Variants in PCDH10 observed in about 807,000 individuals in gnomAD.
The protein encoded by PCDH10 is protocadherin 10.
PCDH10 carries 15 observed loss-of-function variants against 74.4 expected under a neutral mutation model. The observed-to-expected ratio is 0.20, with a 90% CI of 0.13 to 0.31. The LOEUF (loss-of-function observed/expected upper bound fraction) is 0.31, where lower values mean the gene tolerates loss of function less well. Among genes scored for constraint, PCDH10 ranks in the 10% least tolerant of loss-of-function variants. PCDH10 has a pLI of 1.00. For synonymous variants in PCDH10, 619 were observed against 589.8 expected, an observed-to-expected ratio of 1.05 and a Z score of -0.72; for missense variants, 1,260 against 1,390.2, an observed-to-expected ratio of 0.91 and a Z score of 1.49.
At chr4:133,204,620 G>A (rs1008650140) in intron 2 of PCDH10, among the ~76,000 whole-genome samples, 6 of 152,314 alleles carry the variant, frequency 3.9e-5, no homozygotes, top group Admixed American at 3.3e-4. Context: ...CCAATTAGTG[G>A]TTTGTTCCAA....
intron 3 of PCDH10, among the ~76,000 whole-genome samples, chr4:133,158,673 G>A (rs1726910191): frequency 6.6e-6 from 1 of 152,074 alleles, no homozygotes; most frequent in African/African-American, 2.4e-5. Flanking sequence ...TACAGTGTCA[G>A]CAATAGAATT....
intron 2 of PCDH10, among the ~76,000 whole-genome samples, chr4:133,201,430 G>A (rs780592508): frequency 9.9e-5 from 15 of 152,128 alleles, no homozygotes; most frequent in Non-Finnish European, 1.8e-4. Flanking sequence ...GGAAGGCCCT[G>A]CACAACAAAA....
At chr4:133,183,849 A>G (rs7671052) in intron 4 of PCDH10, among the ~76,000 whole-genome samples, 32,665 of 152,096 alleles carry the variant, frequency 0.21, 3,727 homozygotes, top group African/African-American at 0.25. Context: ...GAGAATGTCT[A>G]TGAGACAATT....
At chr4:133,198,608 G>T (rs1447372824), downstream of PCDH10, among the ~76,000 whole-genome samples, 1 of 152,126 alleles carries the variant, frequency 6.6e-6, no homozygotes, top group Non-Finnish European at 1.5e-5. Context: ...TCCGTTTAAA[G>T]GTGTCTTCCT....
chr4:133,166,452 A>T (rs1226112137), intron 4 of PCDH10, among the ~76,000 whole-genome samples: 1 of 151,694 alleles, frequency 6.6e-6, no homozygotes, highest in Admixed American at 6.6e-5. Flanking sequence ...TTAGAATCAG[A>T]CATCTTATTT....
At chr4:133,154,110 A>G (rs1312541170) in intron 1 of PCDH10, among the ~76,000 whole-genome samples, 197 bp from the exon 2 acceptor site, 3 of 152,168 alleles carry the variant, frequency 2.0e-5, no homozygotes, top group Non-Finnish European at 4.4e-5. Context: ...CAAGTGACTA[A>G]AATGTGGATT....
rs1246648647 is a variant in PCDH10, at chr4:133,169,068, C to G, written c.3103+5786C>G. Among the ~76,000 whole-genome samples, 3 of 151,688 alleles carry G rather than the reference C, an allele frequency of 2.0e-5. No homozygotes were observed. In the East Asian group the frequency reaches 5.8e-4, roughly 29 times the overall value. On this transcript the variant is annotated intron_variant, in intron 4 of 4. Coordinates refer to ENST00000264360, the MANE Select transcript of PCDH10 (RefSeq NM_032961.3). ...TTTGTTCTAAGAACTTATTTCATAT[C>G]CTAAGGCAGAGTTAAATTGTTTCAT...
At chr4:133,168,041 T>C (rs553527710) in intron 4 of PCDH10, among the ~76,000 whole-genome samples, 1 of 151,550 alleles carries the variant, frequency 6.6e-6, no homozygotes, top group Non-Finnish European at 1.5e-5. Context: ...TTTATTCTAC[T>C]TCTCTGAAAA....
rs976508790 is a variant in PCDH10, at chr4:133,193,815, CTTT to C, written c.*3656_*3658del. 6.6e-6 allele frequency: 1 copy of C among 151,422 alleles called. No individual in the cohort carries two copies. Among genetic ancestry groups the C allele is most frequent in the African/African-American group, 2.4e-5 (1 of 41,292 alleles). 9.4% of individuals were successfully genotyped at this position (151,422 alleles called of 1,614,324 possible). ...TTTTCATATTACAAATTCTTGAGTT[CTTT>C]ATCTTTTTCAAGTCTAATTTTGTAG... On this transcript the variant is annotated 3_prime_UTR_variant, in exon 5 of 5. Coordinates refer to ENST00000264360, the MANE Select transcript of PCDH10 (RefSeq NM_032961.3).
chr4:133,168,646 G>GC (rs1030656268), intron 4 of PCDH10, among the ~76,000 whole-genome samples: 1 of 151,482 alleles, frequency 6.6e-6, no homozygotes, highest in Non-Finnish European at 1.5e-5. Flanking sequence ...ATCTGCTCCA[G>GC]CTCTACTACG....
chr4:133,184,805 T>C (rs1216059906), intron 4 of PCDH10, among the ~76,000 whole-genome samples: 2 of 142,894 alleles, frequency 1.4e-5, no homozygotes, highest in African/African-American at 5.1e-5. Flanking sequence ...TTTATATATA[T>C]ATATTTATAT....
At chr4:133,206,443 C>CCTT (rs1728005620) in intron 2 of PCDH10, among the ~76,000 whole-genome samples, 1 of 152,018 alleles carries the variant, frequency 6.6e-6, no homozygotes, top group African/African-American at 2.4e-5. Flanking sequence ...CATTTTTGGT[C>CCTT]CTTTTTATTA....
At chr4:133,156,950 T>C (rs566378568) in intron 3 of PCDH10, among the ~76,000 whole-genome samples, 7 of 152,194 alleles carry the variant, frequency 4.6e-5, no homozygotes, top group Non-Finnish European at 8.8e-5. Context: ...TTTCAAATTA[T>C]TGGAGATGTC....
In PCDH10 at chr4:133,150,969, C is replaced by G. The variant is rs751594784; in HGVS notation, c.829C>G (p.Pro277Ala). The change falls in exon 1 of 5, where the codon CCG (proline) becomes GCG (alanine). Residue 277 changes from proline to alanine, a missense_variant. By Grantham distance (27) the Pro-to-Ala change is conservative. Around this residue, in one of 11 missense-constraint regions of PCDH10, gnomAD observed 192 missense variants for 161.2 expected, o/e 1.19. Coordinates refer to ENST00000264360, the MANE Select transcript of PCDH10 (RefSeq NM_032961.3). ...TLVIQLNATD[P>A]DEGQNGEVVY... ...CGTGATCCAGCTCAACGCCACCGAC[C>G]CGGACGAGGGCCAGAACGGTGAGGT... 4 of 1,613,886 alleles carry G rather than the reference C, an allele frequency of 2.5e-6. No homozygotes were observed. In the East Asian group the frequency reaches 8.9e-5, roughly 36 times the overall value.
At chr4:133,159,347 A>G (rs1359139914) in intron 3 of PCDH10, among the ~76,000 whole-genome samples, 1 of 152,082 alleles carries the variant, frequency 6.6e-6, no homozygotes, top group Non-Finnish European at 1.5e-5. Context: ...GTCTAAATAT[A>G]TCTTTGCATA....
In PCDH10 at chr4:133,193,402, T is replaced by G. The variant is rs2125875071; in HGVS notation, c.*3242T>G. ...TAGAATATTTAAATATTTTAATTTC[T>G]CATTGTTTTATTTGTTAATTGGATT... On this transcript the variant is annotated 3_prime_UTR_variant, in exon 5 of 5. Transcript: ENST00000264360. 1 of 151,830 alleles carries G rather than the reference T, an allele frequency of 6.6e-6. No individual in the cohort carries two copies. The highest frequency in any genetic ancestry group is 2.1e-4 in the South Asian group (1 of 4,832). The allele number at this position is 151,830 out of a possible 1,614,324, so 9.4% of individuals were successfully genotyped here. A position where few individuals can be genotyped will look rare whatever the true frequency, so the allele number is the denominator to read the frequency against.
rs779119714 is a variant in PCDH10 at position 133,151,675 on chromosome 4, T to C, written c.1535T>C (p.Val512Ala). Residue 512 changes from valine (V) to alanine (A), a missense_variant, in exon 1 of 5, where the codon GTC becomes GCC. By Grantham distance (64) the Val-to-Ala change is moderately conservative (BLOSUM62 0). This residue lies in a region of PCDH10 where 587 missense variants were observed against 616.9 expected (regional missense o/e 0.95). Transcript: ENST00000264360. ...GAGTGCCAGATCCAGGGCATGAGCG[T>C]CTTCACCTACGTTTCTATCAACTCT... The part of the protein sequence containing the change: ...ILECQIQGMS[V>A]FTYVSINSEN... 6.2e-7 allele frequency: 1 copy of C among 1,613,500 alleles called. No homozygotes were observed. Among genetic ancestry groups the C allele is most frequent in the Admixed American group, 1.7e-5 (1 of 60,006 alleles).
chr4:133,180,808 G>A (rs1727400335), intron 4 of PCDH10, among the ~76,000 whole-genome samples: 1 of 151,762 alleles, frequency 6.6e-6, no homozygotes, highest in African/African-American at 2.4e-5. Flanking sequence ...GTTTCCAAAA[G>A]TAACATAATG....
chr4:133,184,939 G>C (rs1727512100), intron 4 of PCDH10, among the ~76,000 whole-genome samples: 2 of 148,000 alleles, frequency 1.4e-5, no homozygotes, highest in African/African-American at 4.9e-5. Flanking sequence ...TAAGAGAATA[G>C]ATGCAGTTAT....
Sources: gnomAD v4.1 joint callset for allele counts (sites outside exome capture counted in the v4.1 genomes callset) on GRCh38, gnomAD v4.1.1 for gene constraint, gnomAD v4.1.1 regional missense constraint, MANE v1.5 for transcripts, NCBI Gene and HGNC (gene_info 2026-07-23, HGNC 2026-07-21) for gene names.